The following CRTAC1 variants were observed in gnomAD, a reference collection of about 807,000 sequenced individuals.
The protein encoded by CRTAC1 is acidic secreted protein in cartilage.
Under a neutral mutation model 67.8 loss-of-function variants are expected in CRTAC1, and 37 were observed. The ratio of observed to expected loss-of-function variants is 0.55; its 90% CI spans 0.42 to 0.72. CRTAC1 has a LOEUF of 0.72. CRTAC1 is among the 30% of genes least tolerant of loss of function. The pLI is 0.00. For missense variants in CRTAC1, 780 were observed against 931.6 expected (o/e 0.84, Z 2.12); for synonymous variants, 348 against 371.0 (o/e 0.94, Z 0.71).
chr10:97,940,066 G>A (rs2051149373), intron 2 of CRTAC1, among the ~76,000 whole-genome samples: 1 of 152,232 alleles, frequency 6.6e-6, no homozygotes, highest in Non-Finnish European at 1.5e-5. Flanking sequence ...GAGTGAATCA[G>A]TGGATGAATG....
intron 2 of CRTAC1, among the ~76,000 whole-genome samples, chr10:98,001,782 G>A (rs1013657249): frequency 2.6e-5 from 4 of 152,146 alleles, no homozygotes; most frequent in African/African-American, 7.2e-5. Flanking sequence ...CTAGACACCC[G>A]CACCTCAAAA....
At chr10:98,019,236 G>C (rs1843067573) in intron 1 of CRTAC1, among the ~76,000 whole-genome samples, 1 of 152,160 alleles carries the variant, frequency 6.6e-6, no homozygotes, top group Non-Finnish European at 1.5e-5. Context: ...CCTTCACCCA[G>C]CCTGTCCTTC....
intron 2 of CRTAC1, among the ~76,000 whole-genome samples, chr10:97,997,739 C>A (rs1268228939): frequency 1.3e-5 from 2 of 152,054 alleles, no homozygotes; most frequent in Non-Finnish European, 2.9e-5. Context: ...CCATATAAAA[C>A]TCTTAAAAAT....
intron 2 of CRTAC1, among the ~76,000 whole-genome samples, chr10:97,951,155 C>T (rs1311009090): frequency 6.6e-6 from 1 of 152,160 alleles, no homozygotes; most frequent in Non-Finnish European, 1.5e-5. Flanking sequence ...CTGTCCATAC[C>T]TTGTGCATGT....
chr10:97,901,719 G>T (rs1278895651), intron 7 of CRTAC1, 80 bp from the exon 8 acceptor site: 11 of 1,546,554 alleles, frequency 7.1e-6, no homozygotes, highest in Non-Finnish European at 9.7e-6. Flanking sequence ...GGAGTGTGGG[G>T]GCAATTAAAA....
chr10:97,998,036 T>C (rs1292755612), intron 2 of CRTAC1, among the ~76,000 whole-genome samples: 2 of 152,144 alleles, frequency 1.3e-5, no homozygotes, highest in Non-Finnish European at 2.9e-5. Flanking sequence ...AGTGGTGCGA[T>C]CTCGGCTCAA....
intron 2 of CRTAC1, among the ~76,000 whole-genome samples, chr10:97,985,455 A>G (rs2051964857): frequency 6.6e-6 from 1 of 152,066 alleles, no homozygotes; most frequent in African/African-American, 2.4e-5. Flanking sequence ...CCTTTCCCTC[A>G]GAGCACTCAT....
At chr10:97,971,955 A>G (rs1050101867) in intron 2 of CRTAC1, among the ~76,000 whole-genome samples, 6 of 152,090 alleles carry the variant, frequency 3.9e-5, no homozygotes, top group African/African-American at 1.4e-4. Context: ...CGTGCCTTTT[A>G]CGGGATACTT....
At position 97,998,708 on chromosome 10, in the gene CRTAC1, T is replaced by TA. The variant is rs549689318; in HGVS notation, c.224+12429dup. On this transcript the variant is annotated intron_variant, in intron 2 of 14. Coordinates refer to ENST00000370597, the MANE Select transcript of CRTAC1 (RefSeq NM_018058.7). ...GAAGGAAAAATGAGCAATAAAATGGTAAAAAAAAAATGTAAAAACATTGTC... is the reference window on the plus strand; with the variant it reads ...GAAGGAAAAATGAGCAATAAAATGGTAAAAAAAAAAATGTAAAAACATTGTC... 1.9e-3 allele frequency among the ~76,000 whole-genome samples: 277 copies of TA among 149,056 alleles called. 1 individual carries two copies. Among genetic ancestry groups the TA allele is most frequent in the South Asian group, 0.015 (69 of 4,700 alleles).
chr10:97,919,530 C>T (rs2050806209), intron 4 of CRTAC1, among the ~76,000 whole-genome samples: 1 of 152,140 alleles, frequency 6.6e-6, no homozygotes, highest in South Asian at 2.1e-4. Context: ...TTGCTCTGTT[C>T]CTTCTCTTTT....
intron 2 of CRTAC1, among the ~76,000 whole-genome samples, chr10:98,003,079 G>A (rs1305204088): frequency 4.6e-5 from 7 of 151,892 alleles, no homozygotes; most frequent in African/African-American, 1.2e-4. Context: ...CACTGCGCCC[G>A]GCCCAAAACT....
intron 1 of CRTAC1, among the ~76,000 whole-genome samples, chr10:98,019,070 T>G (rs1408917333): frequency 6.6e-6 from 1 of 150,668 alleles, no homozygotes; most frequent in Non-Finnish European, 1.5e-5. Context: ...GTAAGTTAGC[T>G]GGGGGGGGAG....
At chr10:97,919,358 G>C (rs2050804101) in intron 4 of CRTAC1, among the ~76,000 whole-genome samples, 1 of 152,178 alleles carries the variant, frequency 6.6e-6, no homozygotes, top group Non-Finnish European at 1.5e-5. Flanking sequence ...GTCTCAGTCA[G>C]GTGAATTGGA....
chr10:97,877,326 T>A (rs900221204), intron 14 of CRTAC1, among the ~76,000 whole-genome samples: 1 of 152,212 alleles, frequency 6.6e-6, no homozygotes, highest in Non-Finnish European at 1.5e-5. Context: ...GTGGCAACAA[T>A]GTTACCTTCA....
chr10:97,930,799 T>C (rs1279188359), intron 3 of CRTAC1, among the ~76,000 whole-genome samples: 1 of 151,882 alleles, frequency 6.6e-6, no homozygotes, highest in Non-Finnish European at 1.5e-5. Flanking sequence ...TATAAGAAGT[T>C]ACAAGAGCCT....
chr10:97,996,742 C>A (rs1051570650), intron 2 of CRTAC1, among the ~76,000 whole-genome samples: 7 of 152,098 alleles, frequency 4.6e-5, no homozygotes, highest in Admixed American at 4.6e-4. Flanking sequence ...GGGTATATAC[C>A]CAAAGGATTA....
intron 2 of CRTAC1, among the ~76,000 whole-genome samples, chr10:97,995,216 A>C (rs508001): frequency 0.17 from 25,366 of 152,122 alleles, 2,685 homozygotes; most frequent in African/African-American, 0.3. Context: ...TCTAGAGAGG[A>C]ACAGTCCAAG....
In CRTAC1 at chr10:97,936,214, C is replaced by A; in HGVS notation, c.377G>T (p.Gly126Val). 2.5e-6 allele frequency: 4 copies of A among 1,613,772 alleles called. No homozygotes were observed. Among genetic ancestry groups the A allele is most frequent in the Non-Finnish European group, 3.4e-6 (4 of 1,179,812 alleles). The change falls in exon 3 of 15, where the codon GGC becomes GTC. Residue 126 changes from glycine (G) to valine (V), a missense_variant. Coordinates refer to ENST00000370597, the MANE Select transcript of CRTAC1 (RefSeq NM_018058.7). ...GTTGAGGAAGTAGATCTCCTCCCGG[C>A]CGTCCCCGTCGATGTCGCAGGCTGT... ...GVTACDIDGD[G>V]REEIYFLNTN...
chr10:97,880,465 T>C (rs2136537224), intron 13 of CRTAC1, 73 bp from the exon 14 acceptor site: 1 of 1,570,234 alleles, frequency 6.4e-7, no homozygotes, highest in South Asian at 1.1e-5. Context: ...TGCCTGCCTA[T>C]ACACTGTCTG....
Sources: allele counts gnomAD v4.1 joint callset (sites outside exome capture counted in the v4.1 genomes callset), GRCh38; gene constraint gnomAD v4.1.1; transcripts MANE v1.5; gene names NCBI Gene and HGNC (gene_info 2026-07-23, HGNC 2026-07-21).